NAV3: variants seen among roughly 807,000 people sequenced by gnomAD.
The protein encoded by NAV3 is neuron navigator 3.
NAV3 carries 87 observed loss-of-function variants against 244.7 expected under a neutral mutation model. The ratio of observed to expected loss-of-function variants is 0.36; its 90% confidence interval spans 0.30 to 0.42. NAV3 has a LOEUF of 0.42. Ranked by LOEUF, NAV3 falls within the 20% of genes least tolerant of loss-of-function variation. The pLI, the probability that NAV3 is intolerant of heterozygous loss-of-function variation, is 1.00. For synonymous variants in NAV3, 1,126 were observed against 1,042.2 expected (o/e 1.08, Z -1.55); for missense variants, 2,663 against 2,893.3 (o/e 0.92, Z 1.83).
intron 5 of NAV3, among the ~76,000 whole-genome samples, chr12:77,972,101 C>G (rs780480191): frequency 5.3e-5 from 8 of 152,142 alleles, no homozygotes; most frequent in Non-Finnish European, 1.2e-4. Context: ...AGAAATTCTG[C>G]TCTCCTGCTC....
intron 12 of NAV3, among the ~76,000 whole-genome samples, chr12:78,098,958 T>TG (rs954219701): frequency 1.8e-4 from 27 of 151,066 alleles, no homozygotes; most frequent in Non-Finnish European, 3.4e-4. Context: ...ATCCAGGGTT[T>TG]TTTTTTTTTT....
intron 23 of NAV3, among the ~76,000 whole-genome samples, chr12:78,167,376 A>G (rs370294): frequency 0.046 from 6,931 of 151,826 alleles, 192 homozygotes; most frequent in Non-Finnish European, 0.071. Flanking sequence ...TAAGCTACTA[A>G]AAGTACATAA....
chr12:78,040,738 A>G (rs1440881514), intron 9 of NAV3, among the ~76,000 whole-genome samples: 1 of 152,076 alleles, frequency 6.6e-6, no homozygotes, highest in Non-Finnish European at 1.5e-5. Context: ...AAAAAAGGAC[A>G]TCTCAATATA....
intron 2 of NAV3, among the ~76,000 whole-genome samples, chr12:77,633,452 C>T (rs774720065): frequency 7.2e-5 from 11 of 151,902 alleles, no homozygotes; most frequent in Non-Finnish European, 1.3e-4. Flanking sequence ...ATAGCTAAAA[C>T]GGGCATTTTT....
intron 3 of NAV3, among the ~76,000 whole-genome samples, chr12:77,943,976 A>G (rs755119620): frequency 1.3e-5 from 2 of 152,222 alleles, no homozygotes; most frequent in Non-Finnish European, 2.9e-5. Context: ...CAGGTAATTC[A>G]CATGTAATCA....
intron 2 of NAV3, among the ~76,000 whole-genome samples, chr12:77,812,061 T>C (rs1305460474): frequency 6.6e-6 from 1 of 152,202 alleles, no homozygotes; most frequent in Non-Finnish European, 1.5e-5. Context: ...TCTTCTTGGA[T>C]TTCTTTACTC....
At chr12:77,908,309 A>G (rs1397894081) in intron 1 of NAV3, among the ~76,000 whole-genome samples, 1 of 152,076 alleles carries the variant, frequency 6.6e-6, no homozygotes, top group East Asian at 1.9e-4. Flanking sequence ...TGCCTCAAGA[A>G]AGTATTGGAG....
rs1055332532 is a variant in NAV3 at position 77,982,380 on chromosome 12, T to C, written c.672-12423T>C. Among the ~76,000 whole-genome samples, 78 of 61,330 alleles carry C rather than the reference T, an allele frequency of 1.3e-3. 24 individuals are homozygous for C. The highest frequency in any genetic ancestry group is 7.5e-4 in the Non-Finnish European group (16 of 21,342). The allele number at this position is 61,330 out of a possible 152,430, so 40.2% of individuals were successfully genotyped here. A position where few individuals can be genotyped will look rare whatever the true frequency, so the allele number is the denominator to read the frequency against. On this transcript the variant is annotated intron_variant, in intron 5 of 39. Transcript: ENST00000397909. ...CAGATATGTGGCTAAGATAAAGTGA[T>C]GTTCCTCTTCAAATCACCCACAATC...
intron 12 of NAV3, among the ~76,000 whole-genome samples, chr12:78,109,236 C>A (rs1231703484): frequency 6.6e-6 from 1 of 151,956 alleles, no homozygotes; most frequent in Non-Finnish European, 1.5e-5. Context: ...TACAACCTAC[C>A]AAGCTGTTGC....
At chr12:78,198,744 G>GGT in intron 36 of NAV3, 68 bp downstream of exon 36, 1 of 576,572 alleles carries the variant, frequency 1.7e-6, no homozygotes, top group Non-Finnish European at 3.1e-6. Flanking sequence ...AGGGGAGGGG[G>GGT]TTGGCATTGT....
chr12:77,574,960 A>G (rs1324256114), intron 2 of NAV3, among the ~76,000 whole-genome samples: 1 of 151,356 alleles, frequency 6.6e-6, no homozygotes, highest in Non-Finnish European at 1.5e-5. Flanking sequence ...GTATCTTCCT[A>G]CAACAATAAA....
chr12:78,005,858 T>C (rs1215768964), intron 7 of NAV3, among the ~76,000 whole-genome samples: 1 of 152,184 alleles, frequency 6.6e-6, no homozygotes. Flanking sequence ...CATAATTATA[T>C]TTGTAATAAT....
chr12:77,715,588 G>A (rs1275077119), intron 2 of NAV3, among the ~76,000 whole-genome samples: 1 of 151,948 alleles, frequency 6.6e-6, no homozygotes, highest in East Asian at 1.9e-4. Flanking sequence ...TATTATCAGT[G>A]AAATGAAATA....
intron 2 of NAV3, among the ~76,000 whole-genome samples, chr12:77,677,291 A>G (rs1217435774): frequency 6.6e-6 from 1 of 152,242 alleles, no homozygotes; most frequent in Non-Finnish European, 1.5e-5. Context: ...TTGGCTATTT[A>G]TCCATTACAA....
rs547994341 is a variant in NAV3 at position 78,031,550 on chromosome 12, C to A, written c.2023+9688C>A. Among the ~76,000 whole-genome samples the A allele has an allele frequency of 1.1e-4, 16 of 151,952 alleles. No homozygotes were observed. The South Asian group carries it at 2.9e-3, about 28-fold the overall frequency. On this transcript the variant is annotated intron_variant, in intron 9 of 39. Coordinates refer to ENST00000397909, the MANE Select transcript of NAV3 (RefSeq NM_001024383.2). ...CACATATACACCATGGAATACTATG[C>A]AGCCATAAAAAATGATGAGTTCATG... is the stretch of plus-strand genomic sequence containing the variant.
chr12:78,026,603 T>C (rs1593313721), intron 9 of NAV3, among the ~76,000 whole-genome samples: 1 of 152,346 alleles, frequency 6.6e-6, no homozygotes, highest in East Asian at 1.9e-4. Flanking sequence ...TGAACTCTTG[T>C]TATTTTCTCA....
intron 1 of NAV3, among the ~76,000 whole-genome samples, chr12:77,922,457 C>T (rs971141884): frequency 8.6e-5 from 13 of 152,038 alleles, no homozygotes; most frequent in Admixed American, 4.6e-4. Flanking sequence ...GAAAATCCCT[C>T]GTGGGTGTTT....
intron 2 of NAV3, among the ~76,000 whole-genome samples, chr12:77,644,949 G>A (rs1487510969): frequency 6.6e-6 from 1 of 152,028 alleles, no homozygotes; most frequent in Admixed American, 6.6e-5. Flanking sequence ...ATACCAAAAC[G>A]ATTAAGTTCG....
chr12:77,686,912 A>T (rs193153236), intron 2 of NAV3, among the ~76,000 whole-genome samples: 1 of 152,030 alleles, frequency 6.6e-6, no homozygotes, highest in Non-Finnish European at 1.5e-5. Flanking sequence ...AGAATTTTTT[A>T]AAAAAACAAA....
Sources: allele counts gnomAD v4.1 joint callset (sites outside exome capture counted in the v4.1 genomes callset), GRCh38; gene constraint gnomAD v4.1.1; transcripts MANE v1.5; gene names NCBI Gene and HGNC (gene_info 2026-07-23, HGNC 2026-07-21).